DHX57: variants seen among roughly 807,000 people sequenced by gnomAD.
DHX57 encodes the protein putative ATP-dependent RNA helicase DHX57.
Under a neutral mutation model 156.2 loss-of-function variants are expected in DHX57, and 105 were observed. That is an observed-to-expected ratio of 0.67 (90% CI 0.57 to 0.79). DHX57 has a LOEUF of 0.79. DHX57 is among the 30% of genes least tolerant of loss of function. The probability of loss-of-function intolerance (pLI) is 0.00; values close to 1 mark genes in which losing one functional copy is unlikely to be tolerated. For missense variants in DHX57, 1,847 were observed against 1,661.9 expected, an observed-to-expected ratio of 1.11 and a Z score of -1.94; for synonymous variants, 704 against 595.6, an observed-to-expected ratio of 1.18 and a Z score of -2.65.
intron 20 of DHX57, among the ~76,000 whole-genome samples, chr2:38,815,135 T>C (rs1670460188): frequency 6.6e-6 from 1 of 152,048 alleles, no homozygotes; most frequent in African/African-American, 2.4e-5. Flanking sequence ...GTCTCAATCT[T>C]AGCCCACTGC....
At chr2:38,801,874 G>T (rs976764780) in intron 23 of DHX57, among the ~76,000 whole-genome samples, 2 of 152,168 alleles carry the variant, frequency 1.3e-5, no homozygotes, top group Non-Finnish European at 2.9e-5. Context: ...TGGGATTACA[G>T]GCGTAAGCCA....
At position 38,818,955 on chromosome 2, in the gene DHX57, C is replaced by A; in HGVS notation, c.3393G>T (p.Trp1131Cys). 1 of 1,614,152 alleles carries A rather than the reference C, an allele frequency of 6.2e-7. No individual in the cohort carries two copies. Among genetic ancestry groups the A allele is most frequent in the Non-Finnish European group, 8.5e-7 (1 of 1,180,034 alleles). The change falls in exon 19 of 24, where the codon TGG becomes TGT. Residue 1131 changes from tryptophan (W) to cysteine (C), a missense_variant. Physicochemically the swap from Trp to Cys is radical, Grantham distance 215. Coordinates refer to ENST00000457308, the MANE Select transcript of DHX57 (RefSeq NM_198963.3). ...GCACGCCTTCTTTTGTACTTAGCTG[C>A]CATCCCTAAATTTTGGAGAAAATCA... ...YLALLQAYKG[W>C]QLSTKEGVRA...
At chr2:38,863,599 A>C (rs988708246) in intron 2 of DHX57, 80 bp from the exon 3 acceptor site, 6 of 1,309,608 alleles carry the variant, frequency 4.6e-6, no homozygotes, top group Non-Finnish European at 6.3e-6. Context: ...CCCCAGATAT[A>C]CACAATACAA....
Position 38,813,873 on chromosome 2 carries a change from G to C in DHX57, c.3629C>G (p.Pro1210Arg). 6.2e-7 allele frequency: 1 copy of C among 1,613,420 alleles called. No individual in the cohort carries two copies. Among genetic ancestry groups the C allele is most frequent in the Non-Finnish European group, 8.5e-7 (1 of 1,179,556 alleles). Residue 1210 changes from proline (P) to arginine (R), a missense_variant, in exon 21 of 24, where the codon CCC becomes CGC. By Grantham distance (103) the Pro-to-Arg change is moderately radical. Transcript: ENST00000457308. ...GEEANSNAEN[P>R]KLISAMLCAA... Reference sequence around the variant, plus strand: ...ACACAGCATTGCTGATATCAGCTTGGGGTTCTCAGCATTTGAGTTTGCCTA... The same window carrying C: ...ACACAGCATTGCTGATATCAGCTTGCGGTTCTCAGCATTTGAGTTTGCCTA...
chr2:38,814,801 C>T (rs1670443289), intron 20 of DHX57, among the ~76,000 whole-genome samples: 1 of 152,206 alleles, frequency 6.6e-6, no homozygotes, highest in South Asian at 2.1e-4. Context: ...CGGCTCACCG[C>T]AACTTCCACC....
chr2:38,827,531 T>A (rs1421465046), intron 14 of DHX57, among the ~76,000 whole-genome samples: 1 of 44,366 alleles, frequency 2.3e-5, no homozygotes, highest in Non-Finnish European at 4.2e-5. Flanking sequence ...TATATATATA[T>A]ATACACACAT....
At position 38,818,933 on chromosome 2, in the gene DHX57, C is replaced by T. The variant is rs200962138; in HGVS notation, c.3415G>A (p.Val1139Met). The T allele has an allele frequency of 2.5e-5, 41 of 1,614,104 alleles. No individual in the cohort carries two copies. Among genetic ancestry groups the T allele is most frequent in the East Asian group, 6.7e-5 (3 of 44,902 alleles). Reference protein sequence around the residue: ...KGWQLSTKEGVRASYNYCRQN... With the variant: ...KGWQLSTKEGMRASYNYCRQN... Reference sequence around the variant, plus strand: ...CTGCAGTAATTATAACTTGCACGCACGCCTTCTTTTGTACTTAGCTGCCAT... The same window carrying T: ...CTGCAGTAATTATAACTTGCACGCATGCCTTCTTTTGTACTTAGCTGCCAT... The change falls in exon 19 of 24, where the codon GTG becomes ATG. Residue 1139 changes from valine (V) to methionine (M), a missense_variant. Transcript: ENST00000457308.
chr2:38,801,510 A>G (rs1669677253), intron 23 of DHX57, among the ~76,000 whole-genome samples: 1 of 152,170 alleles, frequency 6.6e-6, no homozygotes, highest in Non-Finnish European at 1.5e-5. Flanking sequence ...CCTGGGTTCA[A>G]GTGATTCTCC....
At chr2:38,823,952 A>C (rs1670962669) in intron 16 of DHX57, among the ~76,000 whole-genome samples, 1 of 152,094 alleles carries the variant, frequency 6.6e-6, no homozygotes, top group South Asian at 2.1e-4. Flanking sequence ...TGGAGGTTGC[A>C]GTGAGCCAAG....
chr2:38,833,902 T>TTTA (rs1671513664), intron 13 of DHX57, among the ~76,000 whole-genome samples: 1 of 152,204 alleles, frequency 6.6e-6, no homozygotes, highest in South Asian at 2.1e-4. Flanking sequence ...ACTAGCCTAT[T>TTTA]TTATTATTTA....
intron 11 of DHX57, among the ~76,000 whole-genome samples, chr2:38,843,552 A>G (rs1203275088): frequency 3.9e-5 from 6 of 152,308 alleles, no homozygotes; most frequent in African/African-American, 1.4e-4. Context: ...TCTTGTTTCT[A>G]TGATAATTCC....
At chr2:38,861,911 A>C in intron 4 of DHX57, 74 bp from the exon 5 acceptor site, 1 of 1,425,740 alleles carries the variant, frequency 7.0e-7, no homozygotes, top group African/African-American at 1.4e-5. Flanking sequence ...ATTCATTTAA[A>C]TATGCTTAGA....
chr2:38,854,174 G>A lies in DHX57; in HGVS notation c.1910C>T (p.Ser637Leu). 6.2e-7 allele frequency: 1 copy of A among 1,613,576 alleles called. No homozygotes were observed. The highest frequency in any genetic ancestry group is 1.7e-4 in the Middle Eastern group (1 of 6,058). Residue 637 changes from serine (S) to leucine (L), a missense_variant, in exon 9 of 24, where the codon TCA becomes TTA. Transcript: ENST00000457308. ...YQIRLESVKS[S>L]ATRLLYCTTG... ...GGTGCAGTATAACAGTCTGGTGGCT[G>A]AGGACTTACACATGAAAGGGCAATA...
intron 21 of DHX57, among the ~76,000 whole-genome samples, chr2:38,809,221 G>T (rs1164945031): frequency 1.3e-5 from 2 of 152,098 alleles, no homozygotes; most frequent in African/African-American, 4.8e-5. Context: ...CTAGGCTCAA[G>T]TTATCCTCCC....
chr2:38,823,937 G>A (rs940180627), intron 16 of DHX57, among the ~76,000 whole-genome samples: 13 of 152,162 alleles, frequency 8.5e-5, no homozygotes, highest in African/African-American at 2.9e-4. Flanking sequence ...ACTTGAACCC[G>A]GAGGTGGAGG....
At chr2:38,811,227 A>T in intron 21 of DHX57, 2 of 497,714 alleles carry the variant, frequency 4.0e-6, no homozygotes, top group South Asian at 3.5e-5. Context: ...TGGTTGTAGA[A>T]CTCAGGGATC....
intron 1 of DHX57, among the ~76,000 whole-genome samples, chr2:38,871,495 G>C (rs1487286623): frequency 3.9e-5 from 6 of 152,168 alleles, no homozygotes; most frequent in Admixed American, 3.3e-4. Flanking sequence ...CTATGTATCT[G>C]TCTTAGTCTG....
At chr2:38,874,361 G>T (rs1015933229) in intron 1 of DHX57, among the ~76,000 whole-genome samples, 1 of 150,620 alleles carries the variant, frequency 6.6e-6, no homozygotes, top group Non-Finnish European at 1.5e-5. Context: ...AAAGTGCTGA[G>T]ATTACCGGCA....
chr2:38,864,353 C>G (rs537657893), intron 2 of DHX57, among the ~76,000 whole-genome samples: 1 of 151,352 alleles, frequency 6.6e-6, no homozygotes, highest in South Asian at 2.1e-4. Flanking sequence ...CGAGACCAGC[C>G]TGGGCAATAT....
Sources: gnomAD v4.1 joint callset for allele counts (sites outside exome capture counted in the v4.1 genomes callset) on GRCh38, gnomAD v4.1.1 for gene constraint, MANE v1.5 for transcripts, NCBI Gene and HGNC (gene_info 2026-07-23, HGNC 2026-07-21) for gene names.